The following NLGN1 variants were observed in gnomAD, a reference collection of about 807,000 sequenced individuals.
The protein encoded by NLGN1 is neuroligin 1, also known as neuroligin-1.
A neutral mutation model predicts 65.5 loss-of-function variants in NLGN1; 12 were observed. The ratio of observed to expected loss-of-function variants is 0.18; its 90% CI spans 0.12 to 0.30. NLGN1 has a LOEUF of 0.30. Ranked by LOEUF, NLGN1 falls within the 10% of genes least tolerant of loss-of-function variation. NLGN1 has a pLI of 1.00. For synonymous variants in NLGN1, 350 were observed against 359.5 expected, an observed-to-expected ratio of 0.97 and a Z score of 0.30; for missense variants, 750 against 1,007.1, an observed-to-expected ratio of 0.74 and a Z score of 3.46.
At chr3:174,074,680 A>G (rs946328553) in intron 4 of NLGN1, among the ~76,000 whole-genome samples, 2 of 152,202 alleles carry the variant, frequency 1.3e-5, no homozygotes, top group African/African-American at 4.8e-5. Context: ...TTTTACCACA[A>G]ACATTGATAT....
chr3:173,539,779 T>TATATATGTACATATATAACACAC (rs1421838999), intron 2 of NLGN1, among the ~76,000 whole-genome samples: 6,773 of 109,644 alleles, frequency 0.062, 242 homozygotes, highest in Middle Eastern at 0.17. Flanking sequence ...ATATAACACA[T>TATATATGTACATATATAACACAC]ATATATGTAC....
intron 4 of NLGN1, among the ~76,000 whole-genome samples, chr3:174,140,435 A>G (rs1311196881): frequency 6.6e-6 from 1 of 152,088 alleles, no homozygotes; most frequent in Non-Finnish European, 1.5e-5. Flanking sequence ...TATTTGCTGG[A>G]TGTATTTTAA....
chr3:173,494,118 G>GGTGT (rs1286480190), intron 2 of NLGN1, among the ~76,000 whole-genome samples: 1 of 59,332 alleles, frequency 1.7e-5, no homozygotes, highest in Non-Finnish European at 3.5e-5. Context: ...TAGTGTTATA[G>GGTGT]GTGAGTGTGT....
In NLGN1 at chr3:174,090,800, G is replaced by C. The variant is rs187446325; in HGVS notation, c.647-184515G>C. On this transcript the variant is annotated intron_variant, in intron 4 of 6. Coordinates refer to ENST00000457714, the Ensembl canonical transcript of NLGN1. Reference sequence around the variant, plus strand: ...AAAGCCACAGATGATTCAGCCCCTTGCTACTCGAAGTGTGGTTCTCAGACC... The same window carrying C: ...AAAGCCACAGATGATTCAGCCCCTTCCTACTCGAAGTGTGGTTCTCAGACC... Among the ~76,000 whole-genome samples, 22 of 151,362 alleles carry C rather than the reference G, an allele frequency of 1.5e-4. No homozygotes were observed. In the East Asian group the frequency reaches 4.1e-3, roughly 28 times the overall value.
intron 4 of NLGN1, among the ~76,000 whole-genome samples, chr3:173,820,521 A>G (rs1227501360): frequency 1.3e-5 from 2 of 152,216 alleles, no homozygotes; most frequent in East Asian, 1.9e-4. Context: ...GTGACTCTCT[A>G]TAACTGTGGA....
chr3:173,541,275 T>A (rs763075765), intron 2 of NLGN1, among the ~76,000 whole-genome samples: 2 of 152,158 alleles, frequency 1.3e-5, no homozygotes, highest in Non-Finnish European at 2.9e-5. Context: ...GGATGAAATA[T>A]AATCCTAGTG....
At chr3:173,847,559 CT>C (rs1281307046) in intron 4 of NLGN1, among the ~76,000 whole-genome samples, 1 of 152,070 alleles carries the variant, frequency 6.6e-6, no homozygotes, top group African/African-American at 2.4e-5. Flanking sequence ...ATTTTACACA[CT>C]TAAAAATTTG....
chr3:173,693,978 T>A (rs1765831288), intron 3 of NLGN1, among the ~76,000 whole-genome samples: 1 of 151,972 alleles, frequency 6.6e-6, no homozygotes, highest in South Asian at 2.1e-4. Flanking sequence ...GACAATACAC[T>A]GCTGAGAATA....
chr3:173,931,841 G>C (rs1267590389), intron 4 of NLGN1, among the ~76,000 whole-genome samples: 8 of 152,134 alleles, frequency 5.3e-5, no homozygotes, highest in Non-Finnish European at 7.3e-5. Flanking sequence ...AGAAAATGGT[G>C]AATTGGGAAG....
chr3:173,672,839 AT>A (rs1337283956), intron 3 of NLGN1, among the ~76,000 whole-genome samples: 46 of 152,194 alleles, frequency 3.0e-4, no homozygotes, highest in Admixed American at 3.0e-3. Context: ...ATAGAGGTCA[AT>A]GTCACTTTAC....
At chr3:173,768,814 C>T (rs1322194878) in intron 3 of NLGN1, among the ~76,000 whole-genome samples, 1 of 152,122 alleles carries the variant, frequency 6.6e-6, no homozygotes, top group Non-Finnish European at 1.5e-5. Context: ...CTCTGTCGCC[C>T]AGGCTGGAGT....
At chr3:173,674,517 C>T (rs576500826) in intron 3 of NLGN1, among the ~76,000 whole-genome samples, 2 of 151,888 alleles carry the variant, frequency 1.3e-5, no homozygotes, top group South Asian at 2.1e-4. Context: ...AAGTGAAAGC[C>T]CTATAGGAAA....
At chr3:173,616,031 A>G (rs988855582) in intron 3 of NLGN1, among the ~76,000 whole-genome samples, 1 of 152,078 alleles carries the variant, frequency 6.6e-6, no homozygotes, top group Non-Finnish European at 1.5e-5. Flanking sequence ...AGAGAAAATA[A>G]CAATGTAGTA....
chr3:173,415,903 ATAGAGAGAGAGAGAGG>A (rs1358612004), intron 1 of NLGN1, among the ~76,000 whole-genome samples: 24 of 133,252 alleles, frequency 1.8e-4, no homozygotes, highest in African/African-American at 7.9e-4. Context: ...ATATATATAT[ATAGAGAGAGAGAGAGG>A]GAGAGAGAGA....
intron 3 of NLGN1, among the ~76,000 whole-genome samples, chr3:173,745,966 C>A (rs143761410): frequency 6.6e-6 from 1 of 152,068 alleles, no homozygotes; most frequent in African/African-American, 2.4e-5. Context: ...AATCAGGACA[C>A]TGGACTTACT....
chr3:173,466,437 T>A (rs1724373236), intron 2 of NLGN1, among the ~76,000 whole-genome samples: 1 of 152,172 alleles, frequency 6.6e-6, no homozygotes, highest in Non-Finnish European at 1.5e-5. Context: ...TGTAGCCAAT[T>A]TCTAGCTACC....
chr3:173,789,958 T>G, intron 3 of NLGN1: 1 of 458,008 alleles, frequency 2.2e-6, no homozygotes, highest in Admixed American at 2.4e-5. Context: ...GCACAGTCCC[T>G]ACCCTTGTCT....
At chr3:173,854,604 A>G (rs1242676347) in intron 4 of NLGN1, among the ~76,000 whole-genome samples, 1 of 152,154 alleles carries the variant, frequency 6.6e-6, no homozygotes, top group African/African-American at 2.4e-5. Context: ...TTGTATGGTT[A>G]CAATAGCAGC....
chr3:173,445,988 G>A (rs1049021762), intron 2 of NLGN1, among the ~76,000 whole-genome samples: 4 of 151,836 alleles, frequency 2.6e-5, no homozygotes, highest in Admixed American at 1.3e-4. Flanking sequence ...CCCTGTTTTT[G>A]CTTTACAGAG....
Sources: allele counts gnomAD v4.1 joint callset (sites outside exome capture counted in the v4.1 genomes callset), GRCh38; gene constraint gnomAD v4.1.1; transcripts MANE v1.5; gene names NCBI Gene and HGNC (gene_info 2026-07-23, HGNC 2026-07-21).